The following NUDCD3 variants were observed in gnomAD, a reference collection of about 807,000 sequenced individuals.
NUDCD3 encodes nudC domain-containing protein 3.
Under a neutral mutation model 39.7 loss-of-function variants are expected in NUDCD3, and 13 were observed. That is an observed-to-expected ratio of 0.33 (90% confidence interval 0.21 to 0.52). The LOEUF (loss-of-function observed/expected upper bound fraction) is 0.52, where lower values mean the gene tolerates loss of function less well. Ranked by LOEUF, NUDCD3 falls within the 20% of genes least tolerant of loss-of-function variation. NUDCD3 has a pLI of 0.96. For missense variants in NUDCD3, 453 were observed against 458.1 expected, an observed-to-expected ratio of 0.99 and a Z score of 0.10; for synonymous variants, 175 against 172.4, an observed-to-expected ratio of 1.02 and a Z score of -0.12.
intron 2 of NUDCD3, among the ~76,000 whole-genome samples, chr7:44,443,234 TA>T (rs1205345878): frequency 3.9e-4 from 56 of 143,274 alleles, no homozygotes; most frequent in Admixed American, 4.2e-4. Context: ...ACATTCAATA[TA>T]AAAAAAAAAA....
intron 3 of NUDCD3, among the ~76,000 whole-genome samples, chr7:44,412,501 T>C (rs1314853555): frequency 2.6e-5 from 4 of 152,220 alleles, no homozygotes; most frequent in Admixed American, 1.3e-4. Flanking sequence ...AATGGGAAGA[T>C]CAACTGTAAG....
chr7:44,440,240 A>T (rs554621916), intron 2 of NUDCD3, among the ~76,000 whole-genome samples: 4 of 152,330 alleles, frequency 2.6e-5, no homozygotes, highest in Admixed American at 1.3e-4. Context: ...GAAAGACAAG[A>T]CACCTCTGTG....
At chr7:44,432,118 C>T (rs1282425179) in intron 2 of NUDCD3, among the ~76,000 whole-genome samples, 3 of 152,134 alleles carry the variant, frequency 2.0e-5, no homozygotes, top group African/African-American at 7.2e-5. Flanking sequence ...CCCATCTCTA[C>T]AAAAAATTTT....
At chr7:44,438,185 C>G (rs1799502087) in intron 2 of NUDCD3, among the ~76,000 whole-genome samples, 1 of 151,962 alleles carries the variant, frequency 6.6e-6, no homozygotes, top group South Asian at 2.1e-4. Context: ...GTGAGAGACC[C>G]CCCCATCTCT....
chr7:44,449,307 T>C (rs921994755), intron 2 of NUDCD3, among the ~76,000 whole-genome samples: 6 of 152,114 alleles, frequency 3.9e-5, no homozygotes, highest in Admixed American at 6.5e-5. Flanking sequence ...GTTGATGGCA[T>C]CAAATATCAG....
chr7:44,471,182 C>T (rs537804645), intron 2 of NUDCD3, among the ~76,000 whole-genome samples: 28 of 152,184 alleles, frequency 1.8e-4, no homozygotes, highest in Non-Finnish European at 3.5e-4. Context: ...CAAAATCCAA[C>T]GATGCTCAAG....
chr7:44,445,901 T>A (rs533501588), intron 2 of NUDCD3, among the ~76,000 whole-genome samples: 2 of 151,972 alleles, frequency 1.3e-5, no homozygotes, highest in South Asian at 4.2e-4. Flanking sequence ...GACTCTGGAG[T>A]CAAAAATCCC....
intron 2 of NUDCD3, among the ~76,000 whole-genome samples, chr7:44,434,291 G>A (rs922519488): frequency 2.6e-5 from 4 of 152,094 alleles, no homozygotes; most frequent in African/African-American, 4.8e-5. Flanking sequence ...CGTAGCCTGG[G>A]CCTTGGTCTT....
intron 3 of NUDCD3, among the ~76,000 whole-genome samples, chr7:44,420,506 G>A (rs1447146274): frequency 2.0e-5 from 3 of 152,166 alleles, no homozygotes; most frequent in African/African-American, 7.2e-5. Context: ...AGAACACCAC[G>A]AAGATACTCC....
At chr7:44,452,841 T>C (rs1585088661) in intron 2 of NUDCD3, among the ~76,000 whole-genome samples, 1 of 152,204 alleles carries the variant, frequency 6.6e-6, no homozygotes, top group Non-Finnish European at 1.5e-5. Context: ...GGGCCATAAA[T>C]GTAAATTCAC....
At chr7:44,479,507 TAAATAC>T (rs1325447017) in intron 2 of NUDCD3, among the ~76,000 whole-genome samples, 1 of 152,178 alleles carries the variant, frequency 6.6e-6, no homozygotes, top group Non-Finnish European at 1.5e-5. Context: ...ATACAAAATA[TAAATAC>T]ATTATTTTTA....
intron 2 of NUDCD3, among the ~76,000 whole-genome samples, chr7:44,447,019 G>C (rs1455232932): frequency 2.0e-5 from 3 of 152,212 alleles, no homozygotes; most frequent in Admixed American, 1.3e-4. Context: ...TTCTCACAGA[G>C]AACATTTACT....
chr7:44,427,601 T>C lies in NUDCD3; in HGVS notation c.612A>G (p.Pro204=), dbSNP rs17857041. The change falls in exon 3 of 6, where the codon CCA becomes CCG. Residue 204 remains proline, a synonymous_variant. Coordinates refer to ENST00000355451, the MANE Select transcript of NUDCD3 (RefSeq NM_015332.4). ...TTCCCTTCACCACGTGCTTGGGTAC[T>C]GGCACCCTGACCTCCAGGTCAGTAT... ...QDYTDLEVRV[P]VPKHVVKGKQ... 1.1e-5 allele frequency: 18 copies of C among 1,613,590 alleles called. No individual in the cohort carries two copies. The highest frequency in any genetic ancestry group is 1.5e-5 in the Non-Finnish European group (18 of 1,179,690).
intron 4 of NUDCD3, among the ~76,000 whole-genome samples, chr7:44,397,747 C>T (rs906999734): frequency 1.3e-5 from 2 of 152,112 alleles, no homozygotes. Flanking sequence ...TATATAATAA[C>T]ATAGTATTTT....
chr7:44,412,356 A>G (rs1798942802), intron 3 of NUDCD3, among the ~76,000 whole-genome samples: 3 of 152,264 alleles, frequency 2.0e-5, no homozygotes, highest in Admixed American at 2.0e-4. Context: ...TATACAATCT[A>G]GATCATTTTA....
At chr7:44,464,082 T>TGCACGCA (rs1310253219) in intron 2 of NUDCD3, among the ~76,000 whole-genome samples, 2 of 151,404 alleles carry the variant, frequency 1.3e-5, no homozygotes, top group Admixed American at 6.6e-5. Context: ...GGCGTGGTGG[T>TGCACGCA]GCACGCCTGT....
In NUDCD3 at chr7:44,380,514, T is replaced by G. The variant is rs1223829887; in HGVS notation, c.*5497A>C. On this transcript the variant is annotated 3_prime_UTR_variant, in exon 6 of 6. Coordinates refer to ENST00000355451, the MANE Select transcript of NUDCD3 (RefSeq NM_015332.4). ...AGTCTGTAGCCCATTCCCTGACAGG[T>G]ACCTGGGTTTCCCAGCCTTTGATGA... 4 of 152,262 alleles carry G rather than the reference T, an allele frequency of 2.6e-5. No individual in the cohort carries two copies. Among genetic ancestry groups the G allele is most frequent in the Non-Finnish European group, 4.4e-5 (3 of 68,084 alleles). 9.4% of individuals were successfully genotyped at this position (152,262 alleles called of 1,614,324 possible).
chr7:44,430,585 C>T (rs1799344153), intron 2 of NUDCD3, among the ~76,000 whole-genome samples: 1 of 151,706 alleles, frequency 6.6e-6, no homozygotes, highest in African/African-American at 2.4e-5. Flanking sequence ...CACACACACA[C>T]ACACACACAC....
chr7:44,467,819 A>T, intron 2 of NUDCD3: 2 of 568,324 alleles, frequency 3.5e-6, no homozygotes, highest in South Asian at 2.4e-5. Context: ...GACCTCAGTA[A>T]AAAAAAAAAA....
Sources: gnomAD v4.1 joint callset for allele counts (sites outside exome capture counted in the v4.1 genomes callset) on GRCh38, gnomAD v4.1.1 for gene constraint, MANE v1.5 for transcripts, NCBI Gene and HGNC (gene_info 2026-07-23, HGNC 2026-07-21) for gene names.